The following COLEC12 variants were observed in gnomAD, a reference collection of about 807,000 sequenced individuals.
COLEC12 encodes the protein collectin subfamily member 12.
Under a neutral mutation model 71.1 loss-of-function variants are expected in COLEC12, and 33 were observed. The observed-to-expected ratio is 0.46, with a 90% CI of 0.35 to 0.62. The LOEUF (loss-of-function observed/expected upper bound fraction) is 0.62, where lower values mean the gene tolerates loss of function less well. Ranked by LOEUF, COLEC12 falls within the 20% of genes least tolerant of loss-of-function variation. COLEC12 has a pLI of 0.00. For synonymous variants in COLEC12, 350 were observed against 353.0 expected (o/e 0.99, Z 0.10); for missense variants, 765 against 916.1 (o/e 0.84, Z 2.13).
intron 2 of COLEC12, among the ~76,000 whole-genome samples, chr18:452,287 G>A (rs1423220646): frequency 1.3e-5 from 2 of 152,138 alleles, no homozygotes. Context: ...CCATCTATGG[G>A]CCTATAACTT....
intron 2 of COLEC12, among the ~76,000 whole-genome samples, chr18:372,651 C>T (rs1915025668): frequency 6.6e-6 from 1 of 152,190 alleles, no homozygotes; most frequent in African/African-American, 2.4e-5. Context: ...CTCCTGAGCT[C>T]AAGCGATCCA....
intron 2 of COLEC12, among the ~76,000 whole-genome samples, chr18:394,360 G>T (rs1022909319): frequency 3.9e-5 from 6 of 152,210 alleles, no homozygotes; most frequent in Admixed American, 6.5e-5. Flanking sequence ...AACCCCAGAG[G>T]GGGCTGGAAG....
At chr18:431,178 C>G (rs1280245872) in intron 2 of COLEC12, among the ~76,000 whole-genome samples, 1 of 142,782 alleles carries the variant, frequency 7.0e-6, no homozygotes, top group African/African-American at 2.7e-5. Context: ...TTTTTTTTTT[C>G]CTTTGGTAGA....
At chr18:349,384 C>G (rs1348153685) in intron 3 of COLEC12, among the ~76,000 whole-genome samples, 1 of 152,230 alleles carries the variant, frequency 6.6e-6, no homozygotes, top group Non-Finnish European at 1.5e-5. Flanking sequence ...GGTTTGGGAA[C>G]CTCCGCCTGG....
Position 319,066 on chromosome 18 carries a change from G to A in COLEC12, c.*979C>T, listed in dbSNP as rs919548413. ...GGGCCTTCCAGATAGGCCAGATTCA[G>A]TGCCCTTCCCAACAGATGCCTCTCC... is the stretch of plus-strand genomic sequence containing the variant. On this transcript the variant is annotated 3_prime_UTR_variant, in exon 10 of 10. Transcript: ENST00000400256. 1.3e-5 allele frequency: 2 copies of A among 151,880 alleles called. No individual in the cohort carries two copies. Among genetic ancestry groups the A allele is most frequent in the Non-Finnish European group, 1.5e-5 (1 of 68,024 alleles). The allele number at this position is 151,880 out of a possible 1,614,324, so 9.4% of individuals were successfully genotyped here. A position where few individuals can be genotyped will look rare whatever the true frequency, so the allele number is the denominator to read the frequency against.
intron 5 of COLEC12, among the ~76,000 whole-genome samples, chr18:342,990 C>T (rs1914290738): frequency 6.6e-6 from 1 of 152,158 alleles, no homozygotes; most frequent in Non-Finnish European, 1.5e-5. Flanking sequence ...TCTGTATCAC[C>T]ATCCACCTCA....
intron 2 of COLEC12, among the ~76,000 whole-genome samples, chr18:450,643 G>T (rs1916743087): frequency 6.6e-6 from 1 of 152,142 alleles, no homozygotes; most frequent in African/African-American, 2.4e-5. Context: ...AGTAGTGCAA[G>T]AACTAATACA....
At chr18:485,527 A>G (rs1031811200) in intron 1 of COLEC12, among the ~76,000 whole-genome samples, 6 of 152,220 alleles carry the variant, frequency 3.9e-5, no homozygotes, top group Admixed American at 3.9e-4. Context: ...TTTTAATCCT[A>G]CAGGCTATGT....
Position 319,890 on chromosome 18 carries a change from C to T in COLEC12, c.*155G>A, listed in dbSNP as rs115837274. The T allele has an allele frequency of 2.1e-4, 134 of 643,908 alleles. No individual in the cohort carries two copies. In the African/African-American group the frequency reaches 2.2e-3, roughly 10 times the overall value. 39.9% of individuals were successfully genotyped at this position (643,908 alleles called of 1,614,324 possible). ...TAGTTCCCAAGTCTTTGGGTAATGA[C>T]GGATGGTAAAAAACACTAGCTGTCA... On this transcript the variant is annotated 3_prime_UTR_variant, in exon 10 of 10. Transcript: ENST00000400256.
At chr18:337,919 G>A (rs936538921) in intron 5 of COLEC12, among the ~76,000 whole-genome samples, 2 of 152,026 alleles carry the variant, frequency 1.3e-5, no homozygotes, top group Non-Finnish European at 2.9e-5. Context: ...ACCTCTCTCT[G>A]TCTTTTTTGG....
In COLEC12 at chr18:348,126, T is replaced by G; in HGVS notation, c.219A>C (p.Glu73Asp). The change falls in exon 4 of 10, where the codon GAA (glutamate) becomes GAC (aspartate). Residue 73 changes from glutamate to aspartate, a missense_variant. By Grantham distance (45) the Glu-to-Asp change is conservative. Coordinates refer to ENST00000400256, the MANE Select transcript of COLEC12 (RefSeq NM_130386.3). ...EKMDNVTGGMETSRQTYDDKL... is the reference protein window; with the variant it reads ...EKMDNVTGGMDTSRQTYDDKL... ...TGTCATCATAGGTTTGGCGAGATGT[T>G]TCCATGCCACCTGTGACATTGTCCA... 6.2e-7 allele frequency: 1 copy of G among 1,613,978 alleles called. No homozygotes were observed.
intron 2 of COLEC12, among the ~76,000 whole-genome samples, chr18:364,576 G>C (rs1286129212): frequency 6.6e-6 from 1 of 152,200 alleles, no homozygotes; most frequent in African/African-American, 2.4e-5. Flanking sequence ...ACCATACAAT[G>C]TCCTTCTGGG....
rs998573943 is a variant in COLEC12 at position 327,407 on chromosome 18, C to A, written c.2063+4261G>T. Among the ~76,000 whole-genome samples, 2 of 152,186 alleles carry A rather than the reference C, an allele frequency of 1.3e-5. No individual in the cohort carries two copies. The highest frequency in any genetic ancestry group is 1.3e-4 in the Admixed American group (2 of 15,282). On this transcript the variant is annotated intron_variant, in intron 8 of 9. Transcript: ENST00000400256. The surrounding 1 kb of genome is among the most constrained non-coding windows in gnomAD (Gnocchi z 4.0). ...AGCATCTGGGGACCCATCCTTGGAA[C>A]TGTCCGGGCCATTGCAGGTGGCATC... is the stretch of plus-strand genomic sequence containing the variant.
intron 2 of COLEC12, among the ~76,000 whole-genome samples, chr18:368,414 A>AAAT (rs1914901875): frequency 6.6e-6 from 1 of 152,082 alleles, no homozygotes; most frequent in South Asian, 2.1e-4. Context: ...CTCTACTAAA[A>AAAT]ACACAAAAAA....
chr18:439,510 T>TTG (rs397730997), intron 2 of COLEC12, among the ~76,000 whole-genome samples: 4 of 150,902 alleles, frequency 2.7e-5, no homozygotes, highest in African/African-American at 9.7e-5. Context: ...TTTTTTTTTT[T>TTG]GCACTTTTCC....
intron 1 of COLEC12, among the ~76,000 whole-genome samples, chr18:488,012 G>A (rs1917551131): frequency 6.6e-6 from 1 of 152,168 alleles, no homozygotes; most frequent in Admixed American, 6.5e-5. Flanking sequence ...TCTACATTAT[G>A]CAGGAAAATT....
intron 1 of COLEC12, among the ~76,000 whole-genome samples, chr18:481,352 T>C (rs957537597): frequency 1.3e-5 from 2 of 152,104 alleles, no homozygotes; most frequent in African/African-American, 4.8e-5. Context: ...TCGCAGTAAA[T>C]GTGTTTCAAA....
At chr18:489,410 A>AGT (rs1268662825) in intron 1 of COLEC12, among the ~76,000 whole-genome samples, 1 of 152,088 alleles carries the variant, frequency 6.6e-6, no homozygotes, top group Non-Finnish European at 1.5e-5. Flanking sequence ...CAACAAACCC[A>AGT]GTGTGTGTGC....
intron 1 of COLEC12, among the ~76,000 whole-genome samples, chr18:492,707 A>G (rs1358025430): frequency 1.3e-5 from 2 of 151,976 alleles, no homozygotes; most frequent in Non-Finnish European, 2.9e-5. Flanking sequence ...AAAAAAAAAG[A>G]GGTCTTTGGT....
Sources: allele counts gnomAD v4.1 joint callset (sites outside exome capture counted in the v4.1 genomes callset), GRCh38; gene constraint gnomAD v4.1.1; non-coding constraint Gnocchi (gnomAD v3.1); transcripts MANE v1.5; gene names NCBI Gene and HGNC (gene_info 2026-07-23, HGNC 2026-07-21).